Variants in BIRC6 observed in about 807,000 individuals in gnomAD.
The protein encoded by BIRC6 is dual E2 ubiquitin-conjugating enzyme/E3 ubiquitin-protein ligase BIRC6.
Under a neutral mutation model 503.3 loss-of-function variants are expected in BIRC6, and 98 were observed. The observed-to-expected ratio is 0.19, with a 90% CI of 0.17 to 0.23. BIRC6 has a LOEUF of 0.23. Among genes scored for constraint, BIRC6 ranks in the 10% least tolerant of loss-of-function variants. BIRC6 has a pLI of 1.00. For missense variants in BIRC6, 5,360 were observed against 5,806.0 expected (o/e 0.92, Z 2.50); for synonymous variants, 2,240 against 2,078.7 (o/e 1.08, Z -2.11).
At chr2:32,530,881 T>C (rs1386919855) in intron 60 of BIRC6, among the ~76,000 whole-genome samples, 2 of 152,238 alleles carry the variant, frequency 1.3e-5, no homozygotes, top group Non-Finnish European at 2.9e-5. Flanking sequence ...TAAACTAATA[T>C]GGTATAATTT....
At chr2:32,562,023 C>T (rs907083095) in intron 65 of BIRC6, among the ~76,000 whole-genome samples, 6 of 151,948 alleles carry the variant, frequency 3.9e-5, no homozygotes, top group African/African-American at 1.5e-4. Flanking sequence ...GCCTGAGTGA[C>T]AGAGTGAGAC....
rs2033301823 is a variant in BIRC6 at position 32,357,638 on chromosome 2, AG to A, written c.325+157del. Among the ~76,000 whole-genome samples the A allele has an allele frequency of 2.6e-5, 4 of 151,866 alleles. No individual in the cohort carries two copies. The highest frequency in any genetic ancestry group is 2.6e-4 in the Admixed American group (4 of 15,250). ...TGAAGGGAGGCCCGGAAGCTGATGG[AG>A]GGGGACCTTAGGACTTGGCTTTTTC... On this transcript the variant is annotated intron_variant, in intron 1 of 73. Transcript: ENST00000421745. This position sits in a 1 kb window ranked among gnomAD's most constrained non-coding sequence, Gnocchi z 4.9.
chr2:32,580,535 CAG>C (rs778093208), intron 66 of BIRC6, among the ~76,000 whole-genome samples: 6 of 152,206 alleles, frequency 3.9e-5, no homozygotes, highest in Non-Finnish European at 8.8e-5. Context: ...GAGAGGAAAT[CAG>C]GGGCTAGAAG....
intron 22 of BIRC6, among the ~76,000 whole-genome samples, chr2:32,449,534 C>T (rs1331361593): frequency 6.6e-6 from 1 of 151,912 alleles, no homozygotes; most frequent in Non-Finnish European, 1.5e-5. Context: ...TCATTTTTTT[C>T]TTCCGTCTAA....
At chr2:32,402,242 T>C (rs762355419) in intron 8 of BIRC6, among the ~76,000 whole-genome samples, 4 of 152,230 alleles carry the variant, frequency 2.6e-5, no homozygotes, top group Non-Finnish European at 5.9e-5. Context: ...TATCACCCTC[T>C]TTCACCCACT....
At chr2:32,389,431 A>G (rs183673277) in intron 4 of BIRC6, among the ~76,000 whole-genome samples, 47 of 151,986 alleles carry the variant, frequency 3.1e-4, no homozygotes, top group South Asian at 1.7e-3. Flanking sequence ...TGAGTTAACA[A>G]TTTTTTATGC....
In BIRC6 at chr2:32,377,845, G is replaced by A. The variant is rs908918685; in HGVS notation, c.507+76G>A. On this transcript the variant is annotated intron_variant, in intron 2 of 73. Coordinates refer to ENST00000421745, the MANE Select transcript of BIRC6 (RefSeq NM_016252.4). ...CATATTAGATGTTAAATGAAATTAA[G>A]TCATCCTTTAAGGACGTTATTATAT... 1.7e-5 allele frequency: 23 copies of A among 1,326,338 alleles called. 1 individual carries two copies. The South Asian group carries it at 3.3e-4, about 19-fold the overall frequency. 82.2% of individuals were successfully genotyped at this position (1,326,338 alleles called of 1,614,324 possible).
At position 32,445,619 on chromosome 2, in the gene BIRC6, A is replaced by G. The variant is rs996531842; in HGVS notation, c.4435A>G (p.Arg1479Gly). The G allele has an allele frequency of 6.2e-7, 1 of 1,605,418 alleles. No individual in the cohort carries two copies. The highest frequency in any genetic ancestry group is 8.5e-7 in the Non-Finnish European group (1 of 1,175,562). The change falls in exon 21 of 74, where the codon AGA becomes GGA. Residue 1479 changes from arginine to glycine, a missense_variant. By Grantham distance (125) the Arg-to-Gly change is moderately radical. Coordinates refer to ENST00000421745, the MANE Select transcript of BIRC6 (RefSeq NM_016252.4). ...ACASLLTAVS[R>G]QLQDRLTPME... ...TGCATCTTTGCTTACTGCAGTGTCC[A>G]GACAGTTACAGGACAGGCTAACACC...
chr2:32,380,426 A>T, intron 3 of BIRC6, 136 bp downstream of exon 3: 1 of 1,232,832 alleles, frequency 8.1e-7, no homozygotes. Flanking sequence ...TGTGCTTATA[A>T]GTCATCTTAA....
chr2:32,452,873 A>C (rs12470580), intron 22 of BIRC6, among the ~76,000 whole-genome samples: 40,925 of 151,922 alleles, frequency 0.27, 6,764 homozygotes, highest in Non-Finnish European at 0.35. Flanking sequence ...AGTGTGCAAT[A>C]AGCATTTTTT....
At chr2:32,431,936 G>A (rs1215354027) in intron 12 of BIRC6, among the ~76,000 whole-genome samples, 1 of 152,208 alleles carries the variant, frequency 6.6e-6, no homozygotes, top group African/African-American at 2.4e-5. Flanking sequence ...AAGAGTGAGA[G>A]AGTGAGAGAA....
intron 66 of BIRC6, among the ~76,000 whole-genome samples, chr2:32,592,738 G>C (rs2061462947): frequency 6.6e-6 from 1 of 152,132 alleles, no homozygotes; most frequent in African/African-American, 2.4e-5. Context: ...TGGGATTACA[G>C]GCATGCGCCA....
intron 66 of BIRC6, among the ~76,000 whole-genome samples, chr2:32,575,764 CAAA>C (rs1326948239): frequency 8.6e-6 from 1 of 116,396 alleles, no homozygotes; most frequent in Non-Finnish European, 1.8e-5. Flanking sequence ...GACTCCGTCT[CAAA>C]AAAAAAAAAA....
Position 32,415,187 on chromosome 2 carries a change from T to G in BIRC6, c.1896T>G (p.Leu632=). 1 of 1,614,006 alleles carries G rather than the reference T, an allele frequency of 6.2e-7. No individual in the cohort carries two copies. Among genetic ancestry groups the G allele is most frequent in the Non-Finnish European group, 8.5e-7 (1 of 1,179,894 alleles). Residue 632 remains leucine, a synonymous_variant, in exon 10 of 74, where the codon CTT becomes CTG. Transcript: ENST00000421745. ...GGAGGACTTTACCGGTTTTGCTTCT[T>G]TATAGCATCAAGGAATCTGATGAGA... ...LVRRTLPVLL[L]YSIKESDEKA...
chr2:32,458,512 C>A (rs935586642), intron 23 of BIRC6, among the ~76,000 whole-genome samples: 1 of 151,302 alleles, frequency 6.6e-6, no homozygotes, highest in African/African-American at 2.4e-5. Context: ...TCTTCTAATC[C>A]ATCTTTTTTT....
At chr2:32,383,466 G>C (rs2037989578) in intron 3 of BIRC6, among the ~76,000 whole-genome samples, 1 of 152,184 alleles carries the variant, frequency 6.6e-6, no homozygotes, top group South Asian at 2.1e-4. Context: ...CAACTGGTCA[G>C]GATTCTTTAC....
At chr2:32,423,260 T>C (rs943158032) in intron 10 of BIRC6, among the ~76,000 whole-genome samples, 28 of 152,222 alleles carry the variant, frequency 1.8e-4, no homozygotes, top group Admixed American at 5.9e-4. Context: ...AGTAGAATTA[T>C]TGGGTCATGG....
At chr2:32,571,957 T>A (rs1456701836) in intron 65 of BIRC6, among the ~76,000 whole-genome samples, 1 of 152,222 alleles carries the variant, frequency 6.6e-6, no homozygotes, top group Non-Finnish European at 1.5e-5. Context: ...AATTTTTAAA[T>A]TTGCCTTAAT....
At chr2:32,535,354 C>T (rs2057140770) in intron 61 of BIRC6, among the ~76,000 whole-genome samples, 1 of 151,940 alleles carries the variant, frequency 6.6e-6, no homozygotes, top group East Asian at 1.9e-4. Context: ...GCACAACGTG[C>T]AGGTTTGTTA....
Sources: gnomAD v4.1 joint callset for allele counts (sites outside exome capture counted in the v4.1 genomes callset) on GRCh38, gnomAD v4.1.1 for gene constraint, Gnocchi (gnomAD v3.1) non-coding constraint, MANE v1.5 for transcripts, NCBI Gene and HGNC (gene_info 2026-07-23, HGNC 2026-07-21) for gene names.